The following SUMF1 variants were observed in gnomAD, a reference collection of about 807,000 sequenced individuals.
SUMF1 encodes sulfatase modifying factor 1.
Under a neutral mutation model 47.6 loss-of-function variants are expected in SUMF1, and 48 were observed. The observed-to-expected ratio is 1.01, with a 90% confidence interval of 0.80 to 1.28. SUMF1 has a LOEUF of 1.28. SUMF1 is among the 50% of genes most tolerant of loss of function. The pLI, the probability that SUMF1 is intolerant of heterozygous loss-of-function variation, is 0.00. For synonymous variants in SUMF1, 230 were observed against 192.1 expected (o/e 1.20, Z -1.63); for missense variants, 571 against 485.4 (o/e 1.18, Z -1.66).
intron 8 of SUMF1, among the ~76,000 whole-genome samples, chr3:4,273,371 A>G (rs951858167): frequency 1.3e-5 from 2 of 152,150 alleles, no homozygotes; most frequent in Non-Finnish European, 2.9e-5. Flanking sequence ...GATACATGCT[A>G]CAACATGAAT....
chr3:4,080,567 A>G (rs1450488927), intron 8 of SUMF1, among the ~76,000 whole-genome samples: 2 of 152,118 alleles, frequency 1.3e-5, no homozygotes, highest in African/African-American at 2.4e-5. Flanking sequence ...TCATTTTCTG[A>G]TGGGCACTAG....
At chr3:4,271,140 A>G (rs310693) in intron 8 of SUMF1, among the ~76,000 whole-genome samples, 31,539 of 152,122 alleles carry the variant, frequency 0.21, 4,287 homozygotes, top group South Asian at 0.38. Context: ...GCTAATACCC[A>G]CCACCAATCA....
intron 8 of SUMF1, among the ~76,000 whole-genome samples, chr3:4,109,023 T>C (rs1270053314): frequency 6.6e-6 from 1 of 152,148 alleles, no homozygotes; most frequent in Non-Finnish European, 1.5e-5. Flanking sequence ...CTAGCCTCCA[T>C]GGTCTTTACA....
chr3:4,096,693 T>C (rs1025283930), intron 8 of SUMF1, among the ~76,000 whole-genome samples: 2 of 151,982 alleles, frequency 1.3e-5, no homozygotes, highest in Non-Finnish European at 2.9e-5. Context: ...GAGACATGAA[T>C]CTGTAAAGAT....
At chr3:4,398,951 T>A (rs373786050) in intron 7 of SUMF1, among the ~76,000 whole-genome samples, 4 of 152,212 alleles carry the variant, frequency 2.6e-5, no homozygotes, top group South Asian at 2.1e-4. Flanking sequence ...GATCAGAAGA[T>A]CTGGGATTTA....
At chr3:4,433,556 C>T (rs1429727996) in intron 3 of SUMF1, among the ~76,000 whole-genome samples, 4 of 152,194 alleles carry the variant, frequency 2.6e-5, no homozygotes, top group African/African-American at 9.7e-5. Flanking sequence ...CTGCCCTTCC[C>T]GAATAACTCA....
intron 8 of SUMF1, among the ~76,000 whole-genome samples, chr3:4,085,796 A>G (rs1692659156): frequency 6.6e-6 from 1 of 152,106 alleles, no homozygotes; most frequent in Admixed American, 6.6e-5. Context: ...ATAAAGCCCA[A>G]AAGTGGACAA....
intron 8 of SUMF1, among the ~76,000 whole-genome samples, chr3:4,187,020 T>C (rs1646860178): frequency 6.6e-6 from 1 of 152,196 alleles, no homozygotes; most frequent in Non-Finnish European, 1.5e-5. Flanking sequence ...CAGGACCTGA[T>C]GTGTTGGGAC....
chr3:4,091,060 G>A (rs572311542), intron 8 of SUMF1, among the ~76,000 whole-genome samples: 6 of 150,402 alleles, frequency 4.0e-5, no homozygotes, highest in South Asian at 2.1e-4. Context: ...CAGCCTGGGC[G>A]ACAGAACGAG....
chr3:4,047,864 G>A (rs1338775321), intron 9 of SUMF1, among the ~76,000 whole-genome samples: 2 of 152,110 alleles, frequency 1.3e-5, no homozygotes, highest in East Asian at 3.9e-4. Context: ...CCAATTATAT[G>A]GAGCATCTCC....
chr3:4,377,363 T>C (rs554881036), intron 7 of SUMF1, among the ~76,000 whole-genome samples: 2 of 152,152 alleles, frequency 1.3e-5, no homozygotes, highest in African/African-American at 2.4e-5. Context: ...ATACGTACTA[T>C]GAACCAGGCA....
chr3:4,229,388 C>A (rs1353133157), intron 8 of SUMF1: 11 of 390,812 alleles, frequency 2.8e-5, no homozygotes, highest in Middle Eastern at 3.5e-4. Flanking sequence ...AGAAGAGAAA[C>A]CACAAGAGCA....
chr3:4,065,235 T>TC (rs1695349629), intron 9 of SUMF1, among the ~76,000 whole-genome samples: 1 of 151,846 alleles, frequency 6.6e-6, no homozygotes, highest in Non-Finnish European at 1.5e-5. Context: ...GCTTTTTTTT[T>TC]CTGCAATGAG....
At chr3:4,189,812 T>G (rs1230306708) in intron 8 of SUMF1, among the ~76,000 whole-genome samples, 3 of 152,116 alleles carry the variant, frequency 2.0e-5, no homozygotes, top group Non-Finnish European at 4.4e-5. Flanking sequence ...CTTTCACATT[T>G]CCAGCCCCAC....
chr3:4,444,795 A>G lies in SUMF1; in HGVS notation c.519+4471T>C, dbSNP rs1242914369. On this transcript the variant is annotated intron_variant, in intron 3 of 8. Transcript: ENST00000272902. The stretch of plus-strand genomic sequence containing the variant: ...GTCTGTCCACTGCAGAGGCCTAGAA[A>G]CAATGACCAACCTAATAGCAATGAG... Among the ~76,000 whole-genome samples the G allele has an allele frequency of 5.3e-5, 8 of 152,230 alleles. No individual in the cohort carries two copies. In the South Asian group the frequency reaches 1.2e-3, roughly 24 times the overall value.
chr3:4,224,506 C>G (rs1163854080), intron 8 of SUMF1, among the ~76,000 whole-genome samples: 1 of 151,986 alleles, frequency 6.6e-6, no homozygotes, highest in Non-Finnish European at 1.5e-5. Context: ...AGACAGATGA[C>G]CCAAATCAGC....
chr3:4,379,897 C>T (rs75571269), intron 7 of SUMF1, among the ~76,000 whole-genome samples: 4,813 of 150,776 alleles, frequency 0.032, 113 homozygotes, highest in Non-Finnish European at 0.048. Context: ...CTATGCAGCC[C>T]TAGCAGATTA....
intron 7 of SUMF1, among the ~76,000 whole-genome samples, chr3:4,380,341 T>C (rs940866744): frequency 1.3e-5 from 2 of 152,230 alleles, no homozygotes; most frequent in African/African-American, 2.4e-5. Context: ...AAATACCGCA[T>C]GTTCTCACTT....
chr3:4,339,899 A>G (rs1699233984), intron 8 of SUMF1, among the ~76,000 whole-genome samples: 1 of 152,106 alleles, frequency 6.6e-6, no homozygotes. Flanking sequence ...CAACATGGCA[A>G]AACCCCACCT....
Sources: gnomAD v4.1 joint callset for allele counts (sites outside exome capture counted in the v4.1 genomes callset) on GRCh38, gnomAD v4.1.1 for gene constraint, MANE v1.5 for transcripts, NCBI Gene and HGNC (gene_info 2026-07-23, HGNC 2026-07-21) for gene names.